The following DLEC1 variants were observed in gnomAD, a reference collection of about 807,000 sequenced individuals.
DLEC1 encodes the protein DLEC1 cilia and flagella associated protein.
Under a neutral mutation model 198.1 loss-of-function variants are expected in DLEC1, and 146 were observed. The observed-to-expected ratio is 0.74, with a 90% CI of 0.64 to 0.85. The LOEUF (loss-of-function observed/expected upper bound fraction) is 0.85. Ranked by LOEUF, DLEC1 falls within the 40% of genes least tolerant of loss-of-function variation. DLEC1 has a pLI of 0.00. For missense variants in DLEC1, 2,233 were observed against 2,220.0 expected, an observed-to-expected ratio of 1.01 and a Z score of -0.12; for synonymous variants, 897 against 866.8, an observed-to-expected ratio of 1.03 and a Z score of -0.61.
intron 35 of DLEC1, 65 bp downstream of exon 35, chr3:38,121,846 A>G: frequency 6.3e-7 from 1 of 1,578,538 alleles, no homozygotes; most frequent in Non-Finnish European, 8.6e-7. Context: ...AAGACCCCCC[A>G]GGAAGGGGCC....
At chr3:38,058,390 T>G (rs1009989041) in intron 2 of DLEC1, among the ~76,000 whole-genome samples, 1 of 152,078 alleles carries the variant, frequency 6.6e-6, no homozygotes, top group Non-Finnish European at 1.5e-5. Flanking sequence ...TGCTCTTGAG[T>G]GTGTCTGCAC....
intron 35 of DLEC1, 125 bp from the exon 36 acceptor site, chr3:38,121,946 C>T: frequency 1.3e-6 from 2 of 1,519,812 alleles, no homozygotes; most frequent in Non-Finnish European, 8.9e-7. Flanking sequence ...CACATGATCT[C>T]AGGGTTGCCC....
chr3:38,095,626 G>T, intron 13 of DLEC1: 1 of 498,462 alleles, frequency 2.0e-6, no homozygotes, highest in Non-Finnish European at 3.6e-6. Context: ...ACGTTGAGGG[G>T]CTTTGTCAGC....
chr3:38,062,849 G>A, intron 5 of DLEC1, 48 bp downstream of exon 5: 1 of 1,594,308 alleles, frequency 6.3e-7, no homozygotes, highest in Non-Finnish European at 8.5e-7. Flanking sequence ...GCCCATGAGA[G>A]TTAACCTAGA....
rs1377649729 is a variant in DLEC1 at position 38,081,646 on chromosome 3, G to A, written c.1174-2512G>A. ...CCCCCCCACCTCCCTCCCGGACGGG[G>A]CGGCTGGCCGGGTGGGGGGGCTGAC... On this transcript the variant is annotated intron_variant, in intron 6 of 36. Transcript: ENST00000308059. Among the ~76,000 whole-genome samples the A allele has an allele frequency of 1.1e-4, 10 of 94,942 alleles. No homozygotes were observed. The South Asian group carries it at 1.9e-3, about 18-fold the overall frequency. The allele number at this position is 94,942 out of a possible 152,430, so 62.3% of individuals were successfully genotyped here.
chr3:38,109,972 A>C, intron 22 of DLEC1, 127 bp from the exon 23 acceptor site: 1 of 1,103,212 alleles, frequency 9.1e-7, no homozygotes, highest in South Asian at 1.5e-5. Flanking sequence ...CAGCTCAATG[A>C]AACAGGAGTC....
Position 38,084,203 on chromosome 3 carries a change from C to G in DLEC1, c.1219C>G (p.Arg407Gly). Reference protein sequence around the residue: ...QNTTTTSRYLRVLPPSTPYFA... With the variant: ...QNTTTTSRYLGVLPPSTPYFA... ...CACCACCACGACCAGCCGCTACCTG[C>G]GAGTCCTCCCGCCTTCCACGCCATA... Residue 407 changes from arginine (R) to glycine (G), a missense_variant, in exon 7 of 37, where the codon CGA becomes GGA. Coordinates refer to ENST00000308059, the MANE Select transcript of DLEC1 (RefSeq NM_007335.4). 3.7e-6 allele frequency: 6 copies of G among 1,612,944 alleles called. No homozygotes were observed. The highest frequency in any genetic ancestry group is 5.1e-6 in the Non-Finnish European group (6 of 1,179,358).
rs751455053 is a variant in DLEC1, at chr3:38,041,847, CAAA to C, written c.411+2228_411+2230del. Among the ~76,000 whole-genome samples the C allele has an allele frequency of 1.8e-4, 13 of 71,700 alleles. 1 individual carries two copies. The highest frequency in any genetic ancestry group is 5.6e-4 in the African/African-American group (11 of 19,616). The allele number at this position is 71,700 out of a possible 152,430, so 47.0% of individuals were successfully genotyped here. A position where few individuals can be genotyped will look rare whatever the true frequency, so the allele number is the denominator to read the frequency against. On this transcript the variant is annotated intron_variant, in intron 1 of 36. Transcript: ENST00000308059. Reference sequence around the variant, plus strand: ...TGGGCGACAGAACGAGACTCCGTTTCAAAAAAAAAAAAAAAAAAAGAAATACAA... The same window carrying C: ...TGGGCGACAGAACGAGACTCCGTTTCAAAAAAAAAAAAAAAAGAAATACAA...
chr3:38,086,080 G>A (rs544553287), intron 8 of DLEC1, among the ~76,000 whole-genome samples, 161 bp from the exon 9 acceptor site: 5 of 152,324 alleles, frequency 3.3e-5, no homozygotes, highest in African/African-American at 1.2e-4. Flanking sequence ...AGCCCAAGTG[G>A]GTGTAGGGTC....
intron 9 of DLEC1, 41 bp downstream of exon 9, chr3:38,086,418 C>T: frequency 6.4e-7 from 1 of 1,573,016 alleles, no homozygotes. Flanking sequence ...ATTACAAGTC[C>T]ATCAAAGGAA....
chr3:38,043,482 C>T (rs774874740), intron 1 of DLEC1, among the ~76,000 whole-genome samples: 2 of 152,222 alleles, frequency 1.3e-5, no homozygotes, highest in South Asian at 4.1e-4. Flanking sequence ...TCCCAGGCCA[C>T]TGTCTCCTGA....
chr3:38,064,082 G>C (rs1286139969), intron 6 of DLEC1, among the ~76,000 whole-genome samples, 163 bp downstream of exon 6: 1 of 149,986 alleles, frequency 6.7e-6, no homozygotes, highest in South Asian at 2.1e-4. Flanking sequence ...CAGGGTCTAG[G>C]ACAATAGTGA....
At chr3:38,111,898 C>T (rs939740710) in intron 24 of DLEC1, 151 bp downstream of exon 24, 2 of 886,322 alleles carry the variant, frequency 2.3e-6, no homozygotes, top group Admixed American at 5.7e-5. Flanking sequence ...ATGCCTCTTC[C>T]TGTTGAGGCC....
chr3:38,068,544 A>G (rs917656968), intron 6 of DLEC1, among the ~76,000 whole-genome samples: 17 of 152,340 alleles, frequency 1.1e-4, no homozygotes, highest in Admixed American at 4.6e-4. Context: ...TTCATCTCTA[A>G]TGAGAACAGT....
At chr3:38,058,785 G>A (rs1403196734) in intron 2 of DLEC1, among the ~76,000 whole-genome samples, 3 of 151,972 alleles carry the variant, frequency 2.0e-5, no homozygotes, top group Admixed American at 6.6e-5. Context: ...CTCTCTAGTG[G>A]GGGACGTTGA....
chr3:38,077,857 C>T (rs1459486648), intron 6 of DLEC1, among the ~76,000 whole-genome samples: 5 of 152,134 alleles, frequency 3.3e-5, no homozygotes, highest in East Asian at 1.9e-4. Flanking sequence ...TGAATAATCC[C>T]TGAGGAGTAG....
At chr3:38,062,039 T>G in intron 3 of DLEC1, 130 bp from the exon 4 acceptor site, 2 of 835,656 alleles carry the variant, frequency 2.4e-6, no homozygotes, top group Non-Finnish European at 3.8e-6. Context: ...TTATAGCTGG[T>G]GTGGTAAATA....
rs759038811 is a variant in DLEC1, at chr3:38,086,392, G to C, written c.1572+15G>C. The C allele has an allele frequency of 7.6e-6, 12 of 1,588,896 alleles. No homozygotes were observed. The South Asian group carries it at 1.3e-4, about 17-fold the overall frequency. ...TAAGTTTCAAGGTGAGTGATCACAG[G>C]TTGCTAACTGGAAAAATTACAAGTC... On this transcript the variant is annotated intron_variant, in intron 9 of 36. Transcript: ENST00000308059.
chr3:38,067,909 C>T (rs1172469010), intron 6 of DLEC1, among the ~76,000 whole-genome samples: 6 of 151,986 alleles, frequency 3.9e-5, no homozygotes, highest in Non-Finnish European at 8.8e-5. Flanking sequence ...CGCACCACCA[C>T]GCCTGGCTAA....
Sources: allele counts gnomAD v4.1 joint callset (sites outside exome capture counted in the v4.1 genomes callset), GRCh38; gene constraint gnomAD v4.1.1; transcripts MANE v1.5; gene names NCBI Gene and HGNC (gene_info 2026-07-23, HGNC 2026-07-21).